Variants in ZBTB7C observed in about 807,000 individuals in gnomAD.
ZBTB7C encodes zinc finger and BTB domain-containing protein 7C.
ZBTB7C carries 8 observed loss-of-function variants against 25.7 expected under a neutral mutation model. The ratio of observed to expected loss-of-function variants is 0.31; its 90% CI spans 0.18 to 0.56. The LOEUF (loss-of-function observed/expected upper bound fraction) is 0.56. ZBTB7C is among the 20% of genes least tolerant of loss of function. The pLI is 0.91. For synonymous variants in ZBTB7C, 394 were observed against 369.0 expected, an observed-to-expected ratio of 1.07 and a Z score of -0.78; for missense variants, 824 against 855.2, an observed-to-expected ratio of 0.96 and a Z score of 0.46.
rs563861348 is a variant in ZBTB7C at position 48,164,271 on chromosome 18, C to T, written c.-17+21663G>A. Among the ~76,000 whole-genome samples the T allele has an allele frequency of 1.2e-4, 18 of 152,280 alleles. No individual in the cohort carries two copies. The East Asian group carries it at 1.4e-3, about 11-fold the overall frequency. On this transcript the variant is annotated intron_variant, in intron 3 of 4. Coordinates refer to ENST00000590800, the MANE Select transcript of ZBTB7C (RefSeq NM_001318841.2). ...CTGGACTCACAGGCAGGCATGTTCC[C>T]GGTCCCAGCAACAAGCGGGAGAGGA... is the stretch of plus-strand genomic sequence containing the variant.
chr18:48,156,747 G>A (rs183351104), intron 3 of ZBTB7C, among the ~76,000 whole-genome samples: 1 of 152,046 alleles, frequency 6.6e-6, no homozygotes. Flanking sequence ...GCTTCAACTG[G>A]GAAAAATAAA....
intron 3 of ZBTB7C, among the ~76,000 whole-genome samples, chr18:48,105,860 GC>G (rs1336364901): frequency 1.3e-5 from 2 of 152,088 alleles, no homozygotes; most frequent in African/African-American, 4.8e-5. Context: ...GCATACCATT[GC>G]CTGACATCTT....
chr18:48,331,396 C>T (rs1433126013), intron 2 of ZBTB7C, among the ~76,000 whole-genome samples: 1 of 152,192 alleles, frequency 6.6e-6, no homozygotes, highest in Non-Finnish European at 1.5e-5. Flanking sequence ...AAAACTGAGG[C>T]TCGTGCAGCA....
intron 3 of ZBTB7C, among the ~76,000 whole-genome samples, chr18:48,067,176 C>A (rs980565770): frequency 2.0e-5 from 3 of 152,158 alleles, no homozygotes; most frequent in Non-Finnish European, 2.9e-5. Flanking sequence ...AAATGAATGA[C>A]TTGGAAAGGG....
At chr18:48,080,090 G>A (rs62086133) in intron 3 of ZBTB7C, among the ~76,000 whole-genome samples, 16,929 of 152,286 alleles carry the variant, frequency 0.11, 979 homozygotes, top group African/African-American at 0.14. Context: ...CCTGGTGGGG[G>A]AGTGACATTC....
At chr18:48,098,678 C>G (rs758331188) in intron 3 of ZBTB7C, among the ~76,000 whole-genome samples, 2 of 152,158 alleles carry the variant, frequency 1.3e-5, no homozygotes, top group Non-Finnish European at 2.9e-5. Context: ...TGGGATGAAG[C>G]CTGTGATCGG....
At chr18:48,196,693 T>G (rs1316107308) in intron 2 of ZBTB7C, among the ~76,000 whole-genome samples, 1 of 152,172 alleles carries the variant, frequency 6.6e-6, no homozygotes. Flanking sequence ...AAAGTCTTTT[T>G]TTTCTAGACC....
intron 2 of ZBTB7C, among the ~76,000 whole-genome samples, chr18:48,229,629 C>T (rs2043196482): frequency 1.3e-5 from 2 of 152,268 alleles, no homozygotes; most frequent in South Asian, 4.1e-4. Context: ...TAATTTAATG[C>T]CTTTGGCTTG....
chr18:48,135,783 G>A (rs1356612785), intron 3 of ZBTB7C, among the ~76,000 whole-genome samples: 5 of 152,136 alleles, frequency 3.3e-5, no homozygotes, highest in Non-Finnish European at 2.9e-5. Flanking sequence ...TATCTCATCT[G>A]GAGAAACTGC....
chr18:48,304,271 T>A (rs1390956157), intron 2 of ZBTB7C, among the ~76,000 whole-genome samples: 2 of 152,216 alleles, frequency 1.3e-5, no homozygotes, highest in Admixed American at 1.3e-4. Flanking sequence ...CAAGTGCTTT[T>A]TCCAGTTGTA....
chr18:48,380,153 T>C (rs1359371123), intron 1 of ZBTB7C, among the ~76,000 whole-genome samples: 1 of 152,150 alleles, frequency 6.6e-6, no homozygotes, highest in African/African-American at 2.4e-5. Flanking sequence ...TAGAAATATA[T>C]GAAACAAGCT....
intron 2 of ZBTB7C, among the ~76,000 whole-genome samples, chr18:48,318,867 G>A (rs963801636): frequency 3.9e-5 from 6 of 152,148 alleles, no homozygotes; most frequent in Non-Finnish European, 8.8e-5. Flanking sequence ...GAACCAACAT[G>A]TCACAGGTTC....
At chr18:48,410,031 G>A (rs962677050), upstream of ZBTB7C, among the ~76,000 whole-genome samples, 6 of 135,044 alleles carry the variant, frequency 4.4e-5, no homozygotes, top group African/African-American at 2.0e-4. Context: ...GTGCGGCAGA[G>A]ATGGGCTCTG....
At chr18:48,204,067 C>T (rs76008880) in intron 2 of ZBTB7C, among the ~76,000 whole-genome samples, 18,636 of 152,246 alleles carry the variant, frequency 0.12, 1,538 homozygotes, top group Non-Finnish European at 0.19. Flanking sequence ...GGGGGCTCCC[C>T]CTCAGGCCCT....
intron 1 of ZBTB7C, among the ~76,000 whole-genome samples, chr18:48,380,912 T>C (rs2047621754): frequency 6.6e-6 from 1 of 152,192 alleles, no homozygotes; most frequent in African/African-American, 2.4e-5. Flanking sequence ...TATTCTAAAA[T>C]AGTTTATTTA....
chr18:48,313,280 A>G (rs1410322567), intron 2 of ZBTB7C, among the ~76,000 whole-genome samples: 1 of 152,156 alleles, frequency 6.6e-6, no homozygotes, highest in Non-Finnish European at 1.5e-5. Context: ...GAGTGAGTCT[A>G]AGCAGTATCT....
chr18:48,269,776 C>T (rs2044419033), intron 2 of ZBTB7C, among the ~76,000 whole-genome samples: 1 of 152,200 alleles, frequency 6.6e-6, no homozygotes, highest in Admixed American at 6.5e-5. Flanking sequence ...GTAGAAGTCA[C>T]TTTGATCGGC....
Position 48,338,909 on chromosome 18 carries a change from G to GT in ZBTB7C, c.-303-512dup, listed in dbSNP as rs2046522428. ...CAAGGCTTCTGGTGTTCTGTAGTTT[G>GT]TTGGGGGGGGGGGGTCCAGGTAGGA... On this transcript the variant is annotated intron_variant, in intron 1 of 4. Transcript: ENST00000590800. Among the ~76,000 whole-genome samples the GT allele has an allele frequency of 2.4e-5, 3 of 124,068 alleles. No individual in the cohort carries two copies. The South Asian group carries it at 8.7e-4, about 36-fold the overall frequency. The allele number at this position is 124,068 out of a possible 152,430, so 81.4% of individuals were successfully genotyped here.
chr18:48,373,276 G>A (rs2047431752), intron 1 of ZBTB7C, among the ~76,000 whole-genome samples: 1 of 151,828 alleles, frequency 6.6e-6, no homozygotes, highest in African/African-American at 2.4e-5. Context: ...TAAAAGGTGT[G>A]GCACCTCCTG....
Sources: gnomAD v4.1 joint callset for allele counts (sites outside exome capture counted in the v4.1 genomes callset) on GRCh38, gnomAD v4.1.1 for gene constraint, MANE v1.5 for transcripts, NCBI Gene and HGNC (gene_info 2026-07-23, HGNC 2026-07-21) for gene names.